Variants in ROR1 observed in about 807,000 individuals in gnomAD.
The protein encoded by ROR1 is ROR family WNT receptor 1.
ROR1 carries 19 observed loss-of-function variants against 78.8 expected under a neutral mutation model. That is an observed-to-expected ratio of 0.24 (90% CI 0.17 to 0.35). ROR1 has a LOEUF of 0.35. Among genes scored for constraint, ROR1 ranks in the 10% least tolerant of loss-of-function variants. The probability of loss-of-function intolerance (pLI) is 1.00; values close to 1 mark genes in which losing one functional copy is unlikely to be tolerated. For synonymous variants in ROR1, 386 were observed against 433.6 expected (o/e 0.89, Z 1.36); for missense variants, 917 against 1,177.8 (o/e 0.78, Z 3.24).
chr1:63,932,799 G>A (rs1166561312), intron 1 of ROR1, among the ~76,000 whole-genome samples: 1 of 152,142 alleles, frequency 6.6e-6, no homozygotes, highest in Non-Finnish European at 1.5e-5. Flanking sequence ...TAGAGGAGAG[G>A]CAGTGTATGG....
In ROR1 at chr1:64,039,514, A is replaced by G. The variant is rs190970870; in HGVS notation, c.164-10177A>G. ...CACTGCCTAAGAGTCAGGCCAGGGT[A>G]GTGAAAATACACACGGACTTTGTCT... On this transcript the variant is annotated intron_variant, in intron 2 of 8. Transcript: ENST00000371079. Among the ~76,000 whole-genome samples, 17 of 152,320 alleles carry G rather than the reference A, an allele frequency of 1.1e-4. No homozygotes were observed. The East Asian group carries it at 3.3e-3, about 29-fold the overall frequency.
intron 1 of ROR1, among the ~76,000 whole-genome samples, chr1:64,002,913 C>G (rs1646396966): frequency 1.3e-5 from 2 of 152,238 alleles, no homozygotes; most frequent in Non-Finnish European, 2.9e-5. Flanking sequence ...AGCCAGGGAG[C>G]AAGTGGTTAT....
intron 1 of ROR1, among the ~76,000 whole-genome samples, chr1:63,978,885 T>C (rs1430240325): frequency 6.6e-6 from 1 of 152,178 alleles, no homozygotes; most frequent in Non-Finnish European, 1.5e-5. Context: ...CGCTGGCAGG[T>C]TGGAGACCAG....
intron 1 of ROR1, among the ~76,000 whole-genome samples, chr1:63,953,239 A>G (rs777391167): frequency 1.8e-4 from 27 of 152,128 alleles, no homozygotes; most frequent in Non-Finnish European, 2.8e-4. Flanking sequence ...GGCAGCTTTT[A>G]TTTAATCTCT....
intron 7 of ROR1, among the ~76,000 whole-genome samples, chr1:64,150,975 T>C (rs1268569055): frequency 6.6e-6 from 1 of 152,268 alleles, no homozygotes; most frequent in Non-Finnish European, 1.5e-5. Flanking sequence ...TGCTTGTTGG[T>C]GTCTTAACCT....
At chr1:63,909,761 G>A (rs1454284209) in intron 1 of ROR1, among the ~76,000 whole-genome samples, 2 of 151,878 alleles carry the variant, frequency 1.3e-5, no homozygotes, top group Non-Finnish European at 2.9e-5. Context: ...ATGAGACCAC[G>A]GAGAAAATGA....
chr1:63,986,957 A>C (rs1198538139), intron 1 of ROR1, among the ~76,000 whole-genome samples: 1 of 152,000 alleles, frequency 6.6e-6, no homozygotes, highest in Non-Finnish European at 1.5e-5. Context: ...GTGGCATGGG[A>C]GGTGGGCAGC....
At chr1:63,788,622 TTA>T (rs141697301) in intron 1 of ROR1, 225 of 152,588 alleles carry the variant, frequency 1.5e-3, no homozygotes, top group Middle Eastern at 3.5e-3. Context: ...ATATTATATG[TTA>T]TATATATATA....
rs550406360 is a variant in ROR1, at chr1:64,122,039, T to C, written c.483-15330T>C. Among the ~76,000 whole-genome samples the C allele has an allele frequency of 1.9e-4, 29 of 152,292 alleles. No individual in the cohort carries two copies. In the South Asian group the frequency reaches 2.5e-3, roughly 13 times the overall value. ...TAGTTGAAGGAACCAGTAAAATTCA[T>C]TGAAGGCTGCTCCCCTTAGCCTCAC... On this transcript the variant is annotated intron_variant, in intron 4 of 8. Coordinates refer to ENST00000371079, the MANE Select transcript of ROR1 (RefSeq NM_005012.4).
At chr1:64,165,290 G>A (rs1650054413) in intron 8 of ROR1, among the ~76,000 whole-genome samples, 1 of 152,230 alleles carries the variant, frequency 6.6e-6, no homozygotes, top group South Asian at 2.1e-4. Flanking sequence ...ATTCTGACTG[G>A]TGTGAGATGG....
intron 1 of ROR1, among the ~76,000 whole-genome samples, chr1:63,958,530 A>G (rs541376686): frequency 1.3e-5 from 2 of 152,296 alleles, no homozygotes; most frequent in East Asian, 3.9e-4. Context: ...CTCTTTGCCA[A>G]GAGGAAGGGA....
intron 1 of ROR1, among the ~76,000 whole-genome samples, chr1:63,815,617 C>T (rs1158843756): frequency 2.0e-5 from 3 of 151,474 alleles, no homozygotes; most frequent in Admixed American, 6.6e-5. Flanking sequence ...AATGCTTTAA[C>T]CTTTCAAAAC....
intron 8 of ROR1, among the ~76,000 whole-genome samples, chr1:64,161,342 G>A (rs1303385509): frequency 6.6e-6 from 1 of 152,150 alleles, no homozygotes; most frequent in African/African-American, 2.4e-5. Context: ...TGCAGAATCC[G>A]TGATAACTTT....
chr1:64,092,100 C>T (rs1242610939), intron 4 of ROR1, among the ~76,000 whole-genome samples: 1 of 140,014 alleles, frequency 7.1e-6, no homozygotes, highest in East Asian at 2.2e-4. Flanking sequence ...TTCTTCCCTC[C>T]CTCCCTCCCT....
At chr1:64,155,895 G>A (rs1365485534) in intron 7 of ROR1, among the ~76,000 whole-genome samples, 1 of 152,098 alleles carries the variant, frequency 6.6e-6, no homozygotes, top group Admixed American at 6.5e-5. Context: ...TCCAACAACT[G>A]TATGGCAATT....
At chr1:63,787,438 T>TTTCCTTCCTTCC (rs72297365) in intron 1 of ROR1, among the ~76,000 whole-genome samples, 4,943 of 127,662 alleles carry the variant, frequency 0.039, 160 homozygotes, top group Non-Finnish European at 0.051. Context: ...ATTGCCTTTC[T>TTTCCTTCCTTCC]TTCCTTCCTT....
At chr1:64,152,575 T>TA (rs1285895892) in intron 7 of ROR1, among the ~76,000 whole-genome samples, 13 of 152,246 alleles carry the variant, frequency 8.5e-5, no homozygotes, top group Non-Finnish European at 1.3e-4. Flanking sequence ...TTTTTAGGGT[T>TA]TGGTTACATC....
chr1:64,078,681 A>G (rs1351888276), intron 4 of ROR1, among the ~76,000 whole-genome samples: 1 of 152,174 alleles, frequency 6.6e-6, no homozygotes, highest in Non-Finnish European at 1.5e-5. Flanking sequence ...AGATAAGAAG[A>G]GAACCAAAGA....
At chr1:63,912,124 CAAAAA>C (rs34115831) in intron 1 of ROR1, among the ~76,000 whole-genome samples, 20 of 123,194 alleles carry the variant, frequency 1.6e-4, no homozygotes, top group Admixed American at 2.5e-4. Context: ...CCCATCTTTA[CAAAAA>C]AAAAAAAAAA....
Sources: allele counts gnomAD v4.1 joint callset (sites outside exome capture counted in the v4.1 genomes callset), GRCh38; gene constraint gnomAD v4.1.1; transcripts MANE v1.5; gene names NCBI Gene and HGNC (gene_info 2026-07-23, HGNC 2026-07-21).